Variants in ASTN2 observed in about 807,000 individuals in gnomAD.
The protein encoded by ASTN2 is astrotactin-2.
In ASTN2, 54 loss-of-function variants were observed where a neutral mutation model predicts 139.8. The ratio of observed to expected loss-of-function variants is 0.39; its 90% CI spans 0.31 to 0.48. ASTN2 has a LOEUF of 0.48. ASTN2 is among the 20% of genes least tolerant of loss of function. The pLI is 0.95. For synonymous variants in ASTN2, 756 were observed against 719.5 expected, an observed-to-expected ratio of 1.05 and a Z score of -0.81; for missense variants, 1,565 against 1,725.1, an observed-to-expected ratio of 0.91 and a Z score of 1.64.
intron 16 of ASTN2, among the ~76,000 whole-genome samples, chr9:116,718,972 G>GTATGTATATATATATATATATATATATA (rs373217069): frequency 4.0e-5 from 4 of 100,000 alleles, no homozygotes; most frequent in African/African-American, 1.2e-4. Flanking sequence ...ACCTGTATCT[G>GTATGTATATATATATATATATATATATA]TACATATATA....
At chr9:116,487,580 A>G in intron 19 of ASTN2, 80 bp from the exon 20 acceptor site, 1 of 1,371,952 alleles carries the variant, frequency 7.3e-7, no homozygotes, top group Admixed American at 2.5e-5. Context: ...CAAACCTATC[A>G]AATGTCTTGA....
At chr9:117,230,969 G>C (rs1271605786) in intron 2 of ASTN2, among the ~76,000 whole-genome samples, 1 of 152,080 alleles carries the variant, frequency 6.6e-6, no homozygotes, top group Non-Finnish European at 1.5e-5. Context: ...AACTTGCCTG[G>C]TCATAAATAA....
intron 13 of ASTN2, among the ~76,000 whole-genome samples, chr9:116,767,068 A>C (rs1316139563): frequency 6.6e-6 from 1 of 152,124 alleles, no homozygotes; most frequent in Non-Finnish European, 1.5e-5. Context: ...CAGTTGCATC[A>C]CACACACATA....
intron 13 of ASTN2, among the ~76,000 whole-genome samples, chr9:116,777,468 G>A (rs1252431209): frequency 6.6e-6 from 1 of 152,110 alleles, no homozygotes; most frequent in Non-Finnish European, 1.5e-5. Context: ...ACCCAGGTGT[G>A]TCTGATTCCA....
chr9:116,501,993 A>AGGC (rs1849872675), intron 19 of ASTN2, among the ~76,000 whole-genome samples: 1 of 152,012 alleles, frequency 6.6e-6, no homozygotes, highest in Non-Finnish European at 1.5e-5. Flanking sequence ...CCCTGGAGGC[A>AGGC]ACAAGCCTCC....
intron 3 of ASTN2, among the ~76,000 whole-genome samples, chr9:117,155,494 GAC>G (rs550225257): frequency 1.0e-3 from 153 of 147,180 alleles, no homozygotes; most frequent in African/African-American, 1.3e-3. Flanking sequence ...AAAAGAAAGA[GAC>G]AGAGAGAGAG....
At chr9:117,405,121 G>A (rs1201690078) in intron 1 of ASTN2, among the ~76,000 whole-genome samples, 1 of 152,208 alleles carries the variant, frequency 6.6e-6, no homozygotes, top group Non-Finnish European at 1.5e-5. Context: ...TTGGGCCTGT[G>A]AGGCTGTCAC....
intron 2 of ASTN2, among the ~76,000 whole-genome samples, chr9:117,225,222 C>A (rs1832663651): frequency 6.6e-6 from 1 of 152,026 alleles, no homozygotes; most frequent in Non-Finnish European, 1.5e-5. Flanking sequence ...ATCTGTCTGG[C>A]AGTCCTCCAT....
intron 1 of ASTN2, among the ~76,000 whole-genome samples, chr9:117,304,649 T>C (rs1834955909): frequency 6.6e-6 from 1 of 152,182 alleles, no homozygotes; most frequent in South Asian, 2.1e-4. Flanking sequence ...CTATATTCCT[T>C]AAATAAGCTC....
chr9:117,267,536 T>C (rs1183047332), intron 2 of ASTN2, among the ~76,000 whole-genome samples: 3 of 152,210 alleles, frequency 2.0e-5, no homozygotes, highest in Non-Finnish European at 4.4e-5. Context: ...TAGGGGAGGC[T>C]AGGTAAAGAG....
At chr9:116,717,487 C>T (rs918609498) in intron 16 of ASTN2, among the ~76,000 whole-genome samples, 4 of 152,116 alleles carry the variant, frequency 2.6e-5, no homozygotes, top group Non-Finnish European at 5.9e-5. Flanking sequence ...CTGCCTTCTG[C>T]AAGAAAACGC....
intron 16 of ASTN2, among the ~76,000 whole-genome samples, chr9:116,722,182 G>A (rs1212775915): frequency 6.6e-6 from 1 of 152,140 alleles, no homozygotes; most frequent in Non-Finnish European, 1.5e-5. Context: ...GGATACTAAG[G>A]CATGCTGGTA....
At chr9:117,351,950 G>A (rs550974626) in intron 1 of ASTN2, among the ~76,000 whole-genome samples, 9 of 152,248 alleles carry the variant, frequency 5.9e-5, no homozygotes, top group African/African-American at 1.4e-4. Context: ...TGTCCTCATC[G>A]TCTAAGCCCC....
intron 1 of ASTN2, among the ~76,000 whole-genome samples, chr9:117,325,335 CCAGATGCAGA>C (rs1229825823): frequency 6.6e-6 from 1 of 152,126 alleles, no homozygotes; most frequent in African/African-American, 2.4e-5. Context: ...GACCCTATAG[CCAGATGCAGA>C]CAGTTGCCCT....
chr9:116,994,530 C>T (rs1836955411), intron 7 of ASTN2, among the ~76,000 whole-genome samples: 1 of 152,132 alleles, frequency 6.6e-6, no homozygotes, highest in South Asian at 2.1e-4. Flanking sequence ...GAGCTTGTTG[C>T]AACAATGGAA....
intron 1 of ASTN2, among the ~76,000 whole-genome samples, chr9:117,400,066 A>T (rs1830781524): frequency 6.6e-6 from 1 of 152,222 alleles, no homozygotes; most frequent in African/African-American, 2.4e-5. Context: ...ACCAGACTGG[A>T]TGATTTCTCC....
chr9:117,272,897 C>T (rs1231761720), intron 2 of ASTN2, among the ~76,000 whole-genome samples: 1 of 152,236 alleles, frequency 6.6e-6, no homozygotes, highest in Non-Finnish European at 1.5e-5. Context: ...TTACTGTCTT[C>T]TTCTCAGCCC....
At chr9:117,108,407 G>T (rs963803596) in intron 4 of ASTN2, among the ~76,000 whole-genome samples, 2 of 139,632 alleles carry the variant, frequency 1.4e-5, no homozygotes, top group Non-Finnish European at 3.2e-5. Context: ...GCCTACAATT[G>T]TGCCCTTTGG....
intron 2 of ASTN2, among the ~76,000 whole-genome samples, chr9:117,233,062 TAGG>T (rs1832944625): frequency 6.6e-6 from 1 of 152,134 alleles, no homozygotes; most frequent in Non-Finnish European, 1.5e-5. Context: ...GCAAGTCTTC[TAGG>T]AGGTGAGCTG....
Sources: gnomAD v4.1 joint callset for allele counts (sites outside exome capture counted in the v4.1 genomes callset) on GRCh38, gnomAD v4.1.1 for gene constraint, MANE v1.5 for transcripts, NCBI Gene and HGNC (gene_info 2026-07-23, HGNC 2026-07-21) for gene names.